DNAH5: variants seen among roughly 807,000 people sequenced by gnomAD.
DNAH5 encodes dynein axonemal heavy chain 5.
A neutral mutation model predicts 518.2 loss-of-function variants in DNAH5; 372 were observed. That is an observed-to-expected ratio of 0.72 (90% confidence interval 0.66 to 0.78). The LOEUF (loss-of-function observed/expected upper bound fraction) is 0.78, where lower values mean the gene tolerates loss of function less well. Ranked by LOEUF, DNAH5 falls within the 30% of genes least tolerant of loss-of-function variation. DNAH5 has a pLI of 0.00. For synonymous variants in DNAH5, 2,039 were observed against 2,025.9 expected (o/e 1.01, Z -0.17); for missense variants, 5,523 against 5,687.0 (o/e 0.97, Z 0.93).
chr5:13,741,993 T>C (rs1748617630), intron 65 of DNAH5, among the ~76,000 whole-genome samples: 1 of 152,140 alleles, frequency 6.6e-6, no homozygotes. Flanking sequence ...AAATGTCTCT[T>C]CCCTTCCATC....
chr5:13,967,827 G>A (rs1299114655), intron 1 of DNAH5, among the ~76,000 whole-genome samples: 1 of 130,568 alleles, frequency 7.7e-6, no homozygotes, highest in Non-Finnish European at 1.7e-5. Flanking sequence ...TGAATTTTAC[G>A]ATTGCTTTTT....
chr5:13,881,753 C>T (rs1033135264), intron 21 of DNAH5, among the ~76,000 whole-genome samples: 3 of 151,816 alleles, frequency 2.0e-5, no homozygotes, highest in African/African-American at 7.2e-5. Flanking sequence ...AAATACATAA[C>T]CTAAAATTAC....
At chr5:13,961,338 A>G (rs1400226815) in intron 1 of DNAH5, among the ~76,000 whole-genome samples, 1 of 152,214 alleles carries the variant, frequency 6.6e-6, no homozygotes, top group Non-Finnish European at 1.5e-5. Context: ...AAATGAGGAA[A>G]CTCAGAGATG....
Position 13,776,704 on chromosome 5 carries a change from G to A in DNAH5, c.9108C>T (p.Val3036=). The A allele has an allele frequency of 3.7e-6, 6 of 1,613,516 alleles. No homozygotes were observed. Among genetic ancestry groups the A allele is most frequent in the South Asian group, 1.1e-5 (1 of 91,054 alleles). Residue 3036 remains valine, a splice_region_variant and synonymous_variant, in exon 55 of 79, where the codon GTC becomes GTT. Transcript: ENST00000265104. ...YMNNVLSSGE[V]SNLFARDEID... is the part of the protein sequence containing the mutation. ...TTTCATCTCGAGCAAATAGGTTAGA[G>A]ACCTTAAAAAGAAGTACAGGCATGC...
intron 13 of DNAH5, 24 bp downstream of exon 13, chr5:13,902,029 T>C (rs772419373): frequency 6.0e-5 from 88 of 1,469,612 alleles, no homozygotes; most frequent in Middle Eastern, 2.0e-4. Flanking sequence ...TTTTAGAAAA[T>C]AGACAATTTC....
chr5:13,958,038 T>C (rs558071025), intron 1 of DNAH5, among the ~76,000 whole-genome samples: 1 of 151,956 alleles, frequency 6.6e-6, no homozygotes, highest in Non-Finnish European at 1.5e-5. Context: ...TATTATTGAA[T>C]ATTCTTCAAA....
chr5:13,925,085 G>A (rs1400811843), intron 3 of DNAH5, among the ~76,000 whole-genome samples: 1 of 152,146 alleles, frequency 6.6e-6, no homozygotes, highest in Non-Finnish European at 1.5e-5. Flanking sequence ...ATGGTGCTAG[G>A]CTAGAGACCT....
Position 13,890,978 on chromosome 5 carries a change from T to C in DNAH5, c.2575A>G (p.Lys859Glu), listed in dbSNP as rs1037081067. The C allele has an allele frequency of 1.2e-6, 2 of 1,614,092 alleles. No homozygotes were observed. Among genetic ancestry groups the C allele is most frequent in the Non-Finnish European group, 1.7e-6 (2 of 1,179,974 alleles). ...AAAAAAATCAAGGTTTTAATGACCT[T>C]TGTCATTTGGAGAAACTCTTCACAG... ...LTCEEFLQMT[K>E]DLCVNGAQIL... Residue 859 changes from lysine to glutamate, a missense_variant and splice_region_variant, in exon 17 of 79, where the codon AAG (lysine) becomes GAG (glutamate). Lys to Glu is a moderately conservative substitution (Grantham distance 56). Transcript: ENST00000265104.
intron 41 of DNAH5, among the ~76,000 whole-genome samples, chr5:13,818,712 T>C (rs1276195951): frequency 6.6e-6 from 1 of 152,210 alleles, no homozygotes; most frequent in East Asian, 1.9e-4. Context: ...GTTTTAATTA[T>C]CTCTGTCTAT....
Position 13,700,790 on chromosome 5 carries a change from T to A in DNAH5, c.13573A>T (p.Ile4525Phe), listed in dbSNP as rs752293110. 1 of 1,614,128 alleles carries A rather than the reference T, an allele frequency of 6.2e-7. No individual in the cohort carries two copies. Among genetic ancestry groups the A allele is most frequent in the South Asian group, 1.1e-5 (1 of 91,086 alleles). ...NEVTKWMKDD[I>F]SAPPTEGVYV... ...ACACCCTCTGTGGGAGGGGCAGAAA[T>A]GTCGTCCTTCATCCATTTGGTGACT... Residue 4525 changes from isoleucine (I) to phenylalanine (F), a missense_variant, in exon 78 of 79, where the codon ATT (isoleucine) becomes TTT (phenylalanine). By Grantham distance (21) the Ile-to-Phe change is conservative. Around this residue, in one of 3 missense-constraint regions of DNAH5, gnomAD observed 387 missense variants for 430.0 expected, o/e 0.90. Coordinates refer to ENST00000265104, the MANE Select transcript of DNAH5 (RefSeq NM_001369.3).
chr5:13,848,087 T>C (rs989284450), intron 31 of DNAH5, among the ~76,000 whole-genome samples: 4 of 152,246 alleles, frequency 2.6e-5, no homozygotes, highest in African/African-American at 9.6e-5. Context: ...TTGGTCATGC[T>C]AAATAATTAT....
At chr5:13,848,032 G>A (rs991272627) in intron 31 of DNAH5, among the ~76,000 whole-genome samples, 2 of 152,166 alleles carry the variant, frequency 1.3e-5, no homozygotes, top group Non-Finnish European at 1.5e-5. Flanking sequence ...GAGCATTCCT[G>A]CTGGGTCTAT....
chr5:13,744,701 A>AT (rs1463797015), intron 65 of DNAH5, among the ~76,000 whole-genome samples: 2 of 152,070 alleles, frequency 1.3e-5, no homozygotes, highest in Non-Finnish European at 2.9e-5. Flanking sequence ...TAATTAAATG[A>AT]TTTTTTACTG....
At chr5:13,705,897 C>A (rs908559053) in intron 76 of DNAH5, among the ~76,000 whole-genome samples, 6 of 152,148 alleles carry the variant, frequency 3.9e-5, no homozygotes, top group Non-Finnish European at 8.8e-5. Context: ...CCTGGGGCCA[C>A]CAGAAAGTAG....
intron 1 of DNAH5, among the ~76,000 whole-genome samples, chr5:13,998,047 T>C (rs902356760): frequency 2.0e-5 from 3 of 152,184 alleles, no homozygotes; most frequent in African/African-American, 7.2e-5. Flanking sequence ...TTTCATCATG[T>C]TGGCCAGGCT....
Position 13,776,626 on chromosome 5 carries a change from C to A in DNAH5, c.9186G>T (p.Arg3062Ser). 1 of 1,613,822 alleles carries A rather than the reference C, an allele frequency of 6.2e-7. No individual in the cohort carries two copies. Among genetic ancestry groups the A allele is most frequent in the Non-Finnish European group, 8.5e-7 (1 of 1,179,838 alleles). Residue 3062 changes from arginine (R) to serine (S), a missense_variant, in exon 55 of 79, where the codon AGG becomes AGT. Coordinates refer to ENST00000265104, the MANE Select transcript of DNAH5 (RefSeq NM_001369.3). Reference sequence around the variant, plus strand: ...GCAGGTTCTCATTGGTAGGAAGGCACCTGGGGAATTCTTTTTTCATGACTG... The same window carrying A: ...GCAGGTTCTCATTGGTAGGAAGGCAACTGGGGAATTCTTTTTTCATGACTG... ...LASVMKKEFP[R>S]CLPTNENLHD... is the part of the protein sequence containing the mutation.
At chr5:13,842,472 A>AAAGAAAGG (rs1019089012) in intron 32 of DNAH5, among the ~76,000 whole-genome samples, 4 of 120,508 alleles carry the variant, frequency 3.3e-5, no homozygotes, top group African/African-American at 1.4e-4. Context: ...AGAAAGAAAG[A>AAAGAAAGG]AAGAAAGAAA....
chr5:13,705,093 G>A (rs146876809), intron 76 of DNAH5, among the ~76,000 whole-genome samples: 1,717 of 151,902 alleles, frequency 0.011, 32 homozygotes, highest in African/African-American at 0.039. Context: ...CCAGGTTCAC[G>A]CCATTCTCCT....
chr5:13,914,276 A>G (rs1776380077), intron 10 of DNAH5, among the ~76,000 whole-genome samples: 2 of 152,180 alleles, frequency 1.3e-5, no homozygotes, highest in South Asian at 4.1e-4. Context: ...AAACTACCTC[A>G]TATTAGCTGT....
Sources: allele counts gnomAD v4.1 joint callset (sites outside exome capture counted in the v4.1 genomes callset), GRCh38; gene constraint gnomAD v4.1.1; regional missense constraint gnomAD v4.1.1; transcripts MANE v1.5; gene names NCBI Gene and HGNC (gene_info 2026-07-23, HGNC 2026-07-21).